DRICH1: variants seen among roughly 807,000 people sequenced by gnomAD.
The protein encoded by DRICH1 is aspartate-rich protein 1.
A neutral mutation model predicts 39.5 loss-of-function variants in DRICH1; 38 were observed. The observed-to-expected ratio is 0.96, with a 90% confidence interval of 0.74 to 1.26. The LOEUF is 1.26. Ranked by LOEUF, DRICH1 falls within the 50% of genes most tolerant of loss-of-function variation. The pLI, the probability that DRICH1 is intolerant of heterozygous loss-of-function variation, is 0.00. For missense variants in DRICH1, 279 were observed against 270.4 expected (o/e 1.03, Z -0.22); for synonymous variants, 84 against 99.5 (o/e 0.84, Z 0.93).
At chr22:23,584,013 C>T in the DRICH1 span, among the ~76,000 whole-genome samples, 2 of 152,254 alleles carry the variant, frequency 1.3e-5, no homozygotes, top group African/African-American at 4.8e-5. Context: ...TGACCCTGCA[C>T]CTGCCATGGC....
the DRICH1 span, among the ~76,000 whole-genome samples, chr22:23,596,472 T>C: frequency 6.6e-6 from 1 of 152,154 alleles, no homozygotes; most frequent in South Asian, 2.1e-4. Flanking sequence ...CCCAGGCTGG[T>C]TTAAACTCCT....
At chr22:23,605,505 G>A (rs1012847274), downstream of DRICH1, among the ~76,000 whole-genome samples, 5 of 152,112 alleles carry the variant, frequency 3.3e-5, no homozygotes, top group African/African-American at 1.2e-4. Context: ...GTGTGGAGGC[G>A]GCACATACAT....
At chr22:23,625,865 C>A in intron 2 of DRICH1, 116 bp downstream of exon 2, 1 of 790,014 alleles carries the variant, frequency 1.3e-6, no homozygotes, top group Non-Finnish European at 2.1e-6. Context: ...CATTAAAAGT[C>A]TTACTTTTGC....
At chr22:23,597,623 G>C in the DRICH1 span, among the ~76,000 whole-genome samples, 47 of 152,024 alleles carry the variant, frequency 3.1e-4, no homozygotes, top group Middle Eastern at 3.4e-3. Flanking sequence ...GAAGAGTCTG[G>C]AGACTTGGGA....
chr22:23,611,022 T>G (rs757033559), intron 11 of DRICH1, among the ~76,000 whole-genome samples: 6 of 152,112 alleles, frequency 3.9e-5, no homozygotes, highest in Non-Finnish European at 7.3e-5. Flanking sequence ...TCAGTAACTT[T>G]TCACTCCCTG....
At chr22:23,590,278 A>ATTTTTTTTT in the DRICH1 span, among the ~76,000 whole-genome samples, 154 of 137,490 alleles carry the variant, frequency 1.1e-3, 2 homozygotes, top group African/African-American at 2.1e-3. Context: ...CAGCCCTTTG[A>ATTTTTTTTT]TTTTTTTTTT....
Position 23,614,149 on chromosome 22 carries a change from C to G in DRICH1, c.607G>C (p.Asp203His). ...LRHKDEEEED[D>H]DDIHITARIE... ...GGAGGTCTTACGTGGATGTCATCAT[C>G]ATCTTCTTCTTCTTCATCTTTGTGT... is the stretch of plus-strand genomic sequence containing the variant. The change falls in exon 9 of 12, where the codon GAT becomes CAT. Residue 203 changes from aspartate to histidine, a missense_variant. Physicochemically the swap from Asp to His is moderately conservative, Grantham distance 81 (BLOSUM62 -1). Transcript: ENST00000317749. The G allele has an allele frequency of 6.2e-7, 1 of 1,612,958 alleles. No homozygotes were observed. Among genetic ancestry groups the G allele is most frequent in the Non-Finnish European group, 8.5e-7 (1 of 1,178,898 alleles).
chr22:23,617,729 G>C lies in DRICH1; in HGVS notation c.437-72C>G. 15 of 1,448,938 alleles carry C rather than the reference G, an allele frequency of 1.0e-5. No homozygotes were observed. The South Asian group carries it at 1.7e-4, about 16-fold the overall frequency. 89.8% of individuals were successfully genotyped at this position (1,448,938 alleles called of 1,614,324 possible). ...GTGAGTCACTCAGGGAGCTTTGCTG[G>C]ATGTGGTATATGGAGGTGGTTGATT... On this transcript the variant is annotated intron_variant, in intron 6 of 11. Transcript: ENST00000317749.
At chr22:23,610,004 T>C (rs1478476606) in intron 11 of DRICH1, among the ~76,000 whole-genome samples, 1 of 151,966 alleles carries the variant, frequency 6.6e-6, no homozygotes, top group Non-Finnish European at 1.5e-5. Context: ...GTGGGACAGG[T>C]CCTTACGAAC....
intron 1 of DRICH1, among the ~76,000 whole-genome samples, chr22:23,631,536 G>A (rs1485531805): frequency 2.0e-5 from 3 of 152,092 alleles, no homozygotes; most frequent in Non-Finnish European, 4.4e-5. Context: ...GTACCAAACC[G>A]GCCAGATAGG....
At chr22:23,601,800 C>T in the DRICH1 span, among the ~76,000 whole-genome samples, 1 of 152,272 alleles carries the variant, frequency 6.6e-6, no homozygotes, top group Admixed American at 6.5e-5. Context: ...AAAGCGGTCA[C>T]ATCCTTTACG....
At chr22:23,628,872 G>T (rs370362730) in intron 1 of DRICH1, among the ~76,000 whole-genome samples, 1 of 152,186 alleles carries the variant, frequency 6.6e-6, no homozygotes, top group African/African-American at 2.4e-5. Context: ...GAGAAGACAA[G>T]AGAAAGCAAT....
chr22:23,599,950 C>T, the DRICH1 span, among the ~76,000 whole-genome samples: 2 of 152,204 alleles, frequency 1.3e-5, no homozygotes, highest in Non-Finnish European at 2.9e-5. Flanking sequence ...CTAGGTTGAT[C>T]CCGCTTTGCC....
intron 2 of DRICH1, among the ~76,000 whole-genome samples, 166 bp from the exon 3 acceptor site, chr22:23,625,070 C>T (rs983198278): frequency 1.3e-5 from 2 of 152,208 alleles, no homozygotes; most frequent in African/African-American, 4.8e-5. Context: ...AGTGAAAAGA[C>T]AAGAGCTTTT....
rs1276033620 is a variant in DRICH1, at chr22:23,614,195, C to T, written c.561G>A (p.Leu187=). 1 of 1,613,560 alleles carries T rather than the reference C, an allele frequency of 6.2e-7. No individual in the cohort carries two copies. The highest frequency in any genetic ancestry group is 8.5e-7 in the Non-Finnish European group (1 of 1,179,618). ...SPVQACSEDS[L]FLRCSLRHKD... ...TGTGTCTCAGTGAGCATCTTAAAAA[C>T]AGGCTATCTTCAGAACAAGCTGGAA... Residue 187 remains leucine, a synonymous_variant, in exon 9 of 12, where the codon CTG becomes CTA. Transcript: ENST00000317749.
At chr22:23,594,533 A>G in the DRICH1 span, among the ~76,000 whole-genome samples, 1 of 152,184 alleles carries the variant, frequency 6.6e-6, no homozygotes, top group Non-Finnish European at 1.5e-5. Flanking sequence ...TCGCACCACT[A>G]CACTCCAGAG....
chr22:23,624,928 C>G (rs1254568092), intron 2 of DRICH1, 24 bp from the exon 3 acceptor site: 2 of 1,612,372 alleles, frequency 1.2e-6, no homozygotes, highest in Admixed American at 3.3e-5. Context: ...AAAGAAGATG[C>G]TATGAGGATC....
the DRICH1 span, among the ~76,000 whole-genome samples, chr22:23,591,436 C>G: frequency 3.3e-5 from 5 of 152,170 alleles, no homozygotes; most frequent in Non-Finnish European, 2.9e-5. Context: ...TCCCCTTTCT[C>G]CACCGACTAC....
rs565402617 is a variant in DRICH1, at chr22:23,619,254, T to A, written c.436+110A>T. 1.3e-5 allele frequency: 9 copies of A among 698,540 alleles called. No homozygotes were observed. In the Admixed American group the frequency reaches 1.6e-4, roughly 12 times the overall value. 43.3% of individuals were successfully genotyped at this position (698,540 alleles called of 1,614,324 possible). A position where few individuals can be genotyped will look rare whatever the true frequency, so the allele number is the denominator to read the frequency against. ...TAACTAATCAGCTGTCAACATAAAG[T>A]TTCTAAAAGTAAAAAACATACAAAT... On this transcript the variant is annotated intron_variant, in intron 6 of 11. Coordinates refer to ENST00000317749, the MANE Select transcript of DRICH1 (RefSeq NM_016449.4).
Sources: allele counts gnomAD v4.1 joint callset (sites outside exome capture counted in the v4.1 genomes callset), GRCh38; gene constraint gnomAD v4.1.1; transcripts MANE v1.5; gene names NCBI Gene and HGNC (gene_info 2026-07-23, HGNC 2026-07-21).